The following RIC8B variants were observed in gnomAD, a reference collection of about 807,000 sequenced individuals.
RIC8B encodes the protein chaperone Ric-8B.
In RIC8B, 16 loss-of-function variants were observed where a neutral mutation model predicts 57.5. The observed-to-expected ratio is 0.28, with a 90% CI of 0.19 to 0.42. The LOEUF (loss-of-function observed/expected upper bound fraction) is 0.42, where lower values mean the gene tolerates loss of function less well. RIC8B is among the 10% of genes least tolerant of loss of function. The probability of loss-of-function intolerance (pLI) is 1.00; values close to 1 mark genes in which losing one functional copy is unlikely to be tolerated. For synonymous variants in RIC8B, 216 were observed against 250.8 expected, an observed-to-expected ratio of 0.86 and a Z score of 1.31; for missense variants, 481 against 677.0, an observed-to-expected ratio of 0.71 and a Z score of 3.21.
rs923256583 is a variant in RIC8B, at chr12:106,882,122, T to G, written c.1572-3782T>G. 5.4e-4 allele frequency among the ~76,000 whole-genome samples: 82 copies of G among 152,198 alleles called. 5 individuals carry two copies. Among genetic ancestry groups the G allele is most frequent in the Non-Finnish European group, 8.8e-5 (6 of 68,028 alleles). On this transcript the variant is annotated intron_variant, in intron 9 of 9. Transcript: ENST00000392837. The stretch of plus-strand genomic sequence containing the variant: ...CATGTCTTTTATTTGCCTCTGCATA[T>G]TCTTCCCCCACTTAATCCCTAACTA...
chr12:106,878,889 T>C (rs1950797927), intron 9 of RIC8B: 1 of 688,518 alleles, frequency 1.5e-6, no homozygotes, highest in Non-Finnish European at 1.8e-6. Context: ...ATCGGAACTA[T>C]TATGCAGTAC....
chr12:106,843,757 A>G lies in RIC8B; in HGVS notation c.1066-95A>G, dbSNP rs369534520. ...AAAAAAAAAAAAAGTCCCCACCTCA[A>G]AAACAAATTGATATCCTCAGTTACA... is the stretch of plus-strand genomic sequence containing the variant. On this transcript the variant is annotated intron_variant, in intron 5 of 9. Coordinates refer to ENST00000392837, the MANE Select transcript of RIC8B (RefSeq NM_001330145.2). 19 of 917,252 alleles carry G rather than the reference A, an allele frequency of 2.1e-5. No individual in the cohort carries two copies. The East Asian group carries it at 2.4e-4, about 11-fold the overall frequency. 56.8% of individuals were successfully genotyped at this position (917,252 alleles called of 1,614,324 possible).
At chr12:106,782,043 T>TA (rs1312930923) in intron 1 of RIC8B, among the ~76,000 whole-genome samples, 29 of 152,252 alleles carry the variant, frequency 1.9e-4, no homozygotes, top group African/African-American at 7.0e-4. Flanking sequence ...CTTTATTATC[T>TA]ATTTAAAAAA....
In RIC8B at chr12:106,803,215, C is replaced by CAAAAAAAAAA. The variant is rs55853235; in HGVS notation, c.133-11467_133-11458dup. Among the ~76,000 whole-genome samples, 51 of 84,002 alleles carry CAAAAAAAAAA rather than the reference C, an allele frequency of 6.1e-4. 3 individuals are homozygous for CAAAAAAAAAA. The highest frequency in any genetic ancestry group is 2.4e-3 in the African/African-American group (49 of 20,274). The allele number at this position is 84,002 out of a possible 152,430, so 55.1% of individuals were successfully genotyped here. ...TGACAAGAGTGATGATACCCTGTCT[C>CAAAAAAAAAA]AAAAAAAAAAAAAAAAAAAAAAAGC... On this transcript the variant is annotated intron_variant, in intron 2 of 9. Coordinates refer to ENST00000392837, the MANE Select transcript of RIC8B (RefSeq NM_001330145.2).
chr12:106,833,681 T>C (rs1377556730), intron 4 of RIC8B, among the ~76,000 whole-genome samples: 1 of 152,214 alleles, frequency 6.6e-6, no homozygotes, highest in Non-Finnish European at 1.5e-5. Flanking sequence ...ACCTTGTTAA[T>C]TGTGGTGGCT....
intron 9 of RIC8B, among the ~76,000 whole-genome samples, chr12:106,883,959 A>G (rs752594420): frequency 1.3e-5 from 2 of 152,192 alleles, no homozygotes; most frequent in Admixed American, 6.5e-5. Flanking sequence ...TCCCGGCTTC[A>G]TGAGAGCACA....
chr12:106,825,686 T>C, intron 3 of RIC8B, 40 bp from the exon 4 acceptor site: 1 of 1,505,896 alleles, frequency 6.6e-7, no homozygotes, highest in Non-Finnish European at 9.2e-7. Context: ...TGTTCAGGCA[T>C]TCAACCCCCA....
chr12:106,849,639 T>G, intron 6 of RIC8B, among the ~76,000 whole-genome samples: 1 of 152,056 alleles, frequency 6.6e-6, no homozygotes, highest in Non-Finnish European at 1.5e-5. Flanking sequence ...CTAAAATCAC[T>G]AGCCTGAAAA....
At chr12:106,799,297 C>T (rs1014193502) in intron 2 of RIC8B, among the ~76,000 whole-genome samples, 2 of 152,180 alleles carry the variant, frequency 1.3e-5, no homozygotes, top group East Asian at 3.8e-4. Context: ...GTTTGTCCAT[C>T]TGGCCATCTT....
intron 4 of RIC8B, among the ~76,000 whole-genome samples, chr12:106,837,148 G>A (rs1295947405): frequency 6.6e-6 from 1 of 152,204 alleles, no homozygotes; most frequent in Non-Finnish European, 1.5e-5. Context: ...CGGATCACGA[G>A]GTCAGGAGTT....
intron 8 of RIC8B, among the ~76,000 whole-genome samples, chr12:106,865,262 C>T (rs1397494684): frequency 3.3e-5 from 5 of 152,160 alleles, no homozygotes; most frequent in African/African-American, 9.7e-5. Context: ...ATCCTCACAA[C>T]ACTTATTATT....
intron 8 of RIC8B, among the ~76,000 whole-genome samples, chr12:106,861,643 A>G (rs1949939171): frequency 6.6e-6 from 1 of 152,144 alleles, no homozygotes. Context: ...AAGCTAAGAT[A>G]GAGGAATCCT....
In RIC8B at chr12:106,842,726, C is replaced by T. The variant is rs1373117803; in HGVS notation, c.974C>T (p.Thr325Ile). The T allele has an allele frequency of 6.2e-7, 1 of 1,613,762 alleles. No homozygotes were observed. Among genetic ancestry groups the T allele is most frequent in the Non-Finnish European group, 8.5e-7 (1 of 1,179,852 alleles). ...LPSNKTAEKE[T>I]VLKNNTMVYN... ...AGTAATAAAACAGCTGAGAAAGAAA[C>T]AGTTTTGAAAAACAATACCATGGTA... The change falls in exon 5 of 10, where the codon ACA (threonine) becomes ATA (isoleucine). Residue 325 changes from threonine (T) to isoleucine (I), a missense_variant. Around this residue, in one of 3 missense-constraint regions of RIC8B, gnomAD observed 421 missense variants for 560.9 expected, o/e 0.75. Transcript: ENST00000392837.
chr12:106,887,820 G>A lies in RIC8B; in HGVS notation c.*1805G>A, dbSNP rs1479850870. The A allele has an allele frequency of 1.3e-5, 2 of 152,226 alleles. No individual in the cohort carries two copies. The highest frequency in any genetic ancestry group is 6.5e-5 in the Admixed American group (1 of 15,282). The allele number at this position is 152,226 out of a possible 1,614,324, so 9.4% of individuals were successfully genotyped here. A position where few individuals can be genotyped will look rare whatever the true frequency, so the allele number is the denominator to read the frequency against. On this transcript the variant is annotated 3_prime_UTR_variant, in exon 10 of 10. Coordinates refer to ENST00000392837, the MANE Select transcript of RIC8B (RefSeq NM_001330145.2). ...CCAGAAAATGTGTGTACAACAGTAT[G>A]GCCCGTAGACTACTTCCTATAATGG...
intron 4 of RIC8B, among the ~76,000 whole-genome samples, chr12:106,835,594 T>C (rs2046561228): frequency 6.6e-6 from 1 of 152,204 alleles, no homozygotes; most frequent in South Asian, 2.1e-4. Context: ...ATACTAGAAT[T>C]CAAACCCAGT....
intron 2 of RIC8B, among the ~76,000 whole-genome samples, chr12:106,785,959 G>A (rs575292342): frequency 2.7e-5 from 4 of 150,778 alleles, no homozygotes; most frequent in Non-Finnish European, 4.4e-5. Flanking sequence ...TGATCCTCCC[G>A]CCCTAGGCTC....
At chr12:106,775,244 C>T in intron 1 of RIC8B, 1 of 432,362 alleles carries the variant, frequency 2.3e-6, no homozygotes, top group South Asian at 1.7e-5. Flanking sequence ...GTATCAGCAA[C>T]GATGGCAGTT....
chr12:106,784,899 A>G (rs1405739167), intron 2 of RIC8B, among the ~76,000 whole-genome samples: 1 of 152,110 alleles, frequency 6.6e-6, no homozygotes, highest in Non-Finnish European at 1.5e-5. Flanking sequence ...GATTTCTTCC[A>G]TCCATTTTCT....
chr12:106,869,407 A>G (rs1437801605), intron 8 of RIC8B, among the ~76,000 whole-genome samples: 1 of 152,104 alleles, frequency 6.6e-6, no homozygotes, highest in Non-Finnish European at 1.5e-5. Flanking sequence ...GGCTACCAGA[A>G]GATTTAATTA....
Sources: allele counts gnomAD v4.1 joint callset (sites outside exome capture counted in the v4.1 genomes callset), GRCh38; gene constraint gnomAD v4.1.1; regional missense constraint gnomAD v4.1.1; transcripts MANE v1.5; gene names NCBI Gene and HGNC (gene_info 2026-07-23, HGNC 2026-07-21).